Variants in FHOD3 observed in about 807,000 individuals in gnomAD.
FHOD3 encodes FH1/FH2 domain-containing protein 3.
A neutral mutation model predicts 173.0 loss-of-function variants in FHOD3; 90 were observed. The observed-to-expected ratio is 0.52, with a 90% CI of 0.44 to 0.62. The LOEUF is 0.62. FHOD3 is among the 20% of genes least tolerant of loss of function. The pLI is 0.00. For synonymous variants in FHOD3, 828 were observed against 823.0 expected, an observed-to-expected ratio of 1.01 and a Z score of -0.10; for missense variants, 1,945 against 2,034.7, an observed-to-expected ratio of 0.96 and a Z score of 0.85.
intron 16 of FHOD3, among the ~76,000 whole-genome samples, chr18:36,688,601 A>G (rs759850578): frequency 6.6e-6 from 1 of 152,244 alleles, no homozygotes; most frequent in African/African-American, 2.4e-5. Context: ...GGCATCACAT[A>G]TACTTTCACT....
At chr18:36,628,004 A>G (rs2034240306) in intron 10 of FHOD3, among the ~76,000 whole-genome samples, 1 of 152,198 alleles carries the variant, frequency 6.6e-6, no homozygotes, top group Admixed American at 6.5e-5. Context: ...CAGATGCCAC[A>G]TATGAAGGAT....
chr18:36,369,183 G>GT (rs1228092279), intron 2 of FHOD3, among the ~76,000 whole-genome samples: 1 of 152,110 alleles, frequency 6.6e-6, no homozygotes, highest in African/African-American at 2.4e-5. Flanking sequence ...AGAAAAGGGT[G>GT]TATTTACTGG....
chr18:36,581,586 C>A (rs1230848862), intron 6 of FHOD3, among the ~76,000 whole-genome samples: 1 of 152,206 alleles, frequency 6.6e-6, no homozygotes, highest in Non-Finnish European at 1.5e-5. Context: ...CTCCAGACTT[C>A]CTTTCTACTT....
intron 16 of FHOD3, among the ~76,000 whole-genome samples, chr18:36,688,922 C>T (rs1411879358): frequency 1.3e-5 from 2 of 152,200 alleles, no homozygotes; most frequent in African/African-American, 2.4e-5. Flanking sequence ...TGCTGCTTCT[C>T]CTCTCTCCTC....
At chr18:36,489,143 C>T (rs1482300070) in intron 3 of FHOD3, among the ~76,000 whole-genome samples, 1 of 152,114 alleles carries the variant, frequency 6.6e-6, no homozygotes, top group Non-Finnish European at 1.5e-5. Context: ...TAAATGTTCT[C>T]CCCAGAGAGG....
intron 4 of FHOD3, among the ~76,000 whole-genome samples, chr18:36,503,433 A>G (rs12955359): frequency 1.3e-5 from 2 of 152,186 alleles, no homozygotes; most frequent in East Asian, 3.9e-4. Context: ...GGCAAAAGGG[A>G]AGGCCCAAAA....
intron 2 of FHOD3, among the ~76,000 whole-genome samples, chr18:36,367,449 C>T (rs1162347316): frequency 1.3e-5 from 2 of 152,140 alleles, no homozygotes; most frequent in Non-Finnish European, 2.9e-5. Context: ...AGATTAAGGT[C>T]AAGCTGAGCC....
At chr18:36,364,099 A>G (rs904361389) in intron 2 of FHOD3, among the ~76,000 whole-genome samples, 3 of 152,136 alleles carry the variant, frequency 2.0e-5, no homozygotes, top group Admixed American at 1.3e-4. Flanking sequence ...TTCGTGTTTC[A>G]TCATAGTTAC....
chr18:36,567,820 C>T (rs537598711), intron 5 of FHOD3, among the ~76,000 whole-genome samples: 7 of 152,194 alleles, frequency 4.6e-5, no homozygotes, highest in African/African-American at 1.2e-4. Context: ...TTATCTTGCC[C>T]CCTCTCCCCC....
chr18:36,689,782 G>C (rs912606791), intron 16 of FHOD3, among the ~76,000 whole-genome samples: 44 of 152,066 alleles, frequency 2.9e-4, no homozygotes, highest in Non-Finnish European at 1.5e-4. Flanking sequence ...TAGCAAACAG[G>C]GGCTATGGGA....
chr18:36,612,211 A>G, intron 9 of FHOD3, 116 bp downstream of exon 9: 1 of 1,142,800 alleles, frequency 8.8e-7, no homozygotes, highest in South Asian at 1.6e-5. Context: ...CTTATTAGAA[A>G]CTCAGCATCG....
intron 1 of FHOD3, among the ~76,000 whole-genome samples, chr18:36,307,922 A>G (rs1162653604): frequency 6.6e-6 from 1 of 152,218 alleles, no homozygotes; most frequent in Non-Finnish European, 1.5e-5. Context: ...TTTAACATCT[A>G]TTCATAATAA....
At chr18:36,695,191 A>T (rs1386325443) in intron 17 of FHOD3, among the ~76,000 whole-genome samples, 2 of 151,808 alleles carry the variant, frequency 1.3e-5, no homozygotes, top group Non-Finnish European at 2.9e-5. Context: ...AAAAAAAAAA[A>T]ATACAAAAAA....
intron 9 of FHOD3, among the ~76,000 whole-genome samples, chr18:36,618,752 C>G (rs1049132660): frequency 6.6e-6 from 1 of 152,188 alleles, no homozygotes; most frequent in African/African-American, 2.4e-5. Flanking sequence ...ACCTCCCCTT[C>G]CTCTTCCTTT....
At chr18:36,482,854 C>CAGAGAGAGAGAGAGAGAG (rs1405818047) in intron 3 of FHOD3, among the ~76,000 whole-genome samples, 2 of 97,902 alleles carry the variant, frequency 2.0e-5, no homozygotes, top group African/African-American at 8.3e-5. Context: ...CACTCACACA[C>CAGAGAGAGAGAGAGAGAG]ACACAGAGAG....
intron 6 of FHOD3, among the ~76,000 whole-genome samples, chr18:36,593,879 T>C (rs2029872009): frequency 6.6e-6 from 1 of 152,184 alleles, no homozygotes. Context: ...GGGTGGAATG[T>C]ACAGCCCGAG....
intron 3 of FHOD3, among the ~76,000 whole-genome samples, chr18:36,406,097 T>TTTTTTG (rs1555694719): frequency 4.0e-5 from 6 of 151,040 alleles, no homozygotes; most frequent in African/African-American, 1.2e-4. Flanking sequence ...TTGTTTTTGT[T>TTTTTTG]TTTTTGTTTT....
At chr18:36,701,431 T>G (rs1352570216) in intron 17 of FHOD3, among the ~76,000 whole-genome samples, 1 of 152,198 alleles carries the variant, frequency 6.6e-6, no homozygotes, top group Non-Finnish European at 1.5e-5. Context: ...TTTTATCCTG[T>G]ATGATACTAC....
At chr18:36,761,442 T>C (rs1378408909) in intron 27 of FHOD3, among the ~76,000 whole-genome samples, 2 of 152,208 alleles carry the variant, frequency 1.3e-5, no homozygotes, top group African/African-American at 4.8e-5. Context: ...GTTTCTTCAC[T>C]GCCTGCAGGG....
Sources: gnomAD v4.1 joint callset for allele counts (sites outside exome capture counted in the v4.1 genomes callset) on GRCh38, gnomAD v4.1.1 for gene constraint, MANE v1.5 for transcripts, NCBI Gene and HGNC (gene_info 2026-07-23, HGNC 2026-07-21) for gene names.